The following STK33 variants were observed in gnomAD, a reference collection of about 807,000 sequenced individuals.
STK33 encodes the protein serine/threonine-protein kinase 33.
A neutral mutation model predicts 58.0 loss-of-function variants in STK33; 52 were observed. The ratio of observed to expected loss-of-function variants is 0.90; its 90% CI spans 0.72 to 1.13. The LOEUF is 1.13. Among genes scored for constraint, STK33 ranks in the 50% most tolerant of loss-of-function variants. The probability of loss-of-function intolerance (pLI) is 0.00; values close to 1 mark genes in which losing one functional copy is unlikely to be tolerated. For synonymous variants in STK33, 215 were observed against 200.1 expected (o/e 1.07, Z -0.63); for missense variants, 630 against 604.2 (o/e 1.04, Z -0.45).
chr11:8,504,644 AAAAAAT>A (rs1196692679), intron 1 of STK33, among the ~76,000 whole-genome samples: 2 of 151,980 alleles, frequency 1.3e-5, no homozygotes, highest in African/African-American at 4.8e-5. Flanking sequence ...AAATAAAAAT[AAAAAAT>A]AATTATCCAG....
At chr11:8,574,163 C>T (rs1046807346) in intron 1 of STK33, among the ~76,000 whole-genome samples, 4 of 152,308 alleles carry the variant, frequency 2.6e-5, no homozygotes, top group Admixed American at 2.6e-4. Context: ...ATATGAGCTT[C>T]AGGCATAAAA....
intron 15 of STK33, among the ~76,000 whole-genome samples, chr11:8,399,669 T>C (rs935104680): frequency 3.9e-5 from 6 of 152,052 alleles, no homozygotes; most frequent in Non-Finnish European, 7.4e-5. Flanking sequence ...AAAAAATCAA[T>C]GAATCCAGGA....
intron 1 of STK33, among the ~76,000 whole-genome samples, chr11:8,551,626 A>G (rs1227318997): frequency 6.6e-6 from 1 of 151,976 alleles, no homozygotes; most frequent in Non-Finnish European, 1.5e-5. Context: ...GTGGTGTTAG[A>G]CCTTTACTTC....
intron 1 of STK33, among the ~76,000 whole-genome samples, chr11:8,524,986 G>T (rs939184814): frequency 2.0e-5 from 3 of 152,004 alleles, no homozygotes; most frequent in Non-Finnish European, 4.4e-5. Context: ...TATTAAATAT[G>T]TACAGCTGTT....
intron 1 of STK33, among the ~76,000 whole-genome samples, chr11:8,579,687 C>T (rs1277672056): frequency 6.6e-6 from 1 of 152,030 alleles, no homozygotes; most frequent in South Asian, 2.1e-4. Context: ...CTGCTCATTT[C>T]GTTCACATTC....
intron 1 of STK33, among the ~76,000 whole-genome samples, chr11:8,533,662 C>T (rs960857045): frequency 3.3e-5 from 5 of 152,164 alleles, no homozygotes; most frequent in African/African-American, 1.2e-4. Context: ...CAGAAGTTCA[C>T]AACAAAAAGC....
intron 1 of STK33, among the ~76,000 whole-genome samples, chr11:8,519,942 G>A (rs1953234987): frequency 2.0e-5 from 3 of 152,140 alleles, no homozygotes; most frequent in Non-Finnish European, 4.4e-5. Context: ...CATTCCTTCT[G>A]AAGCTATTTC....
At position 8,584,974 on chromosome 11, in the gene STK33, G is replaced by C. The variant is rs552941119; in HGVS notation, c.-466+9109C>G. Among the ~76,000 whole-genome samples, 3 of 150,292 alleles carry C rather than the reference G, an allele frequency of 2.0e-5. No individual in the cohort carries two copies. In the East Asian group the frequency reaches 5.8e-4, roughly 29 times the overall value. On this transcript the variant is annotated intron_variant, in intron 1 of 15. Transcript: ENST00000687296. ...GAGTATCACTGTCCCCCAGGCTGGA[G>C]TGCAGTGGTGCGATCTCAGCTGACT... is the stretch of plus-strand genomic sequence containing the variant.
chr11:8,462,017 T>A, intron 7 of STK33, 108 bp from the exon 8 acceptor site: 8 of 687,412 alleles, frequency 1.2e-5, no homozygotes, highest in Non-Finnish European at 1.8e-5. Context: ...AACTTCATAT[T>A]TGAAGTGAAT....
chr11:8,437,717 T>C (rs1944252440), intron 12 of STK33, among the ~76,000 whole-genome samples: 1 of 152,194 alleles, frequency 6.6e-6, no homozygotes. Context: ...GATTTTTTCA[T>C]AGTAATGATG....
intron 1 of STK33, among the ~76,000 whole-genome samples, chr11:8,579,264 C>CA (rs1386600030): frequency 6.6e-6 from 1 of 151,982 alleles, no homozygotes; most frequent in Non-Finnish European, 1.5e-5. Context: ...CTAAACCTTT[C>CA]AGTGGAGCCC....
chr11:8,424,616 G>A (rs1942448382), intron 14 of STK33, among the ~76,000 whole-genome samples: 1 of 150,440 alleles, frequency 6.6e-6, no homozygotes, highest in African/African-American at 2.5e-5. Flanking sequence ...CAGTGTAAAA[G>A]TGTTCCTATT....
At chr11:8,398,402 A>G (rs959308324) in intron 15 of STK33, among the ~76,000 whole-genome samples, 25 of 152,210 alleles carry the variant, frequency 1.6e-4, no homozygotes, top group Admixed American at 4.6e-4. Flanking sequence ...TTCACAGACA[A>G]GCAAATGCTG....
intron 1 of STK33, among the ~76,000 whole-genome samples, chr11:8,528,796 A>G (rs186434470): frequency 1.3e-5 from 2 of 152,332 alleles, no homozygotes; most frequent in East Asian, 1.9e-4. Flanking sequence ...ATACAGTGCC[A>G]GTAGGTGAGT....
chr11:8,505,036 G>A (rs1394192262), intron 1 of STK33, among the ~76,000 whole-genome samples: 1 of 152,180 alleles, frequency 6.6e-6, no homozygotes, highest in Non-Finnish European at 1.5e-5. Flanking sequence ...CATGGTGGGT[G>A]TGCTTATACC....
chr11:8,493,352 A>C (rs940748351), intron 1 of STK33, among the ~76,000 whole-genome samples: 3 of 152,224 alleles, frequency 2.0e-5, no homozygotes, highest in African/African-American at 7.2e-5. Flanking sequence ...TCTAGAAAAA[A>C]TTGATAAATT....
intron 1 of STK33, among the ~76,000 whole-genome samples, chr11:8,497,473 C>A (rs923021788): frequency 1.3e-5 from 2 of 152,080 alleles, no homozygotes; most frequent in African/African-American, 4.8e-5. Flanking sequence ...AAAGTTCTTT[C>A]TTTTTCTTTT....
In STK33 at chr11:8,441,739, G is replaced by A. The variant is rs556162919; in HGVS notation, c.872-986C>T. Among the ~76,000 whole-genome samples, 36 of 151,436 alleles carry A rather than the reference G, an allele frequency of 2.4e-4. 2 individuals are homozygous for A. The highest frequency in any genetic ancestry group is 7.5e-4 in the African/African-American group (31 of 41,288). ...ATAGCTATGAATCAGATATATTTAA[G>A]AAAAAATAAAAAGAAAATAGTTATA... On this transcript the variant is annotated intron_variant, in intron 11 of 15. Coordinates refer to ENST00000687296, the MANE Select transcript of STK33 (RefSeq NM_001352389.2).
At chr11:8,536,115 G>A (rs1410030264) in intron 1 of STK33, among the ~76,000 whole-genome samples, 1 of 152,130 alleles carries the variant, frequency 6.6e-6, no homozygotes. Context: ...GTGGGGAGGA[G>A]GGAGGATGAA....
Sources: allele counts gnomAD v4.1 joint callset (sites outside exome capture counted in the v4.1 genomes callset), GRCh38; gene constraint gnomAD v4.1.1; transcripts MANE v1.5; gene names NCBI Gene and HGNC (gene_info 2026-07-23, HGNC 2026-07-21).